Variants in ADCY9 observed in about 807,000 individuals in gnomAD.
The protein encoded by ADCY9 is adenylate cyclase 9.
Under a neutral mutation model 101.5 loss-of-function variants are expected in ADCY9, and 50 were observed. The ratio of observed to expected loss-of-function variants is 0.49; its 90% CI spans 0.39 to 0.62. The LOEUF (loss-of-function observed/expected upper bound fraction) is 0.62. Ranked by LOEUF, ADCY9 falls within the 20% of genes least tolerant of loss-of-function variation. ADCY9 has a pLI of 0.00. For synonymous variants in ADCY9, 905 were observed against 769.3 expected, an observed-to-expected ratio of 1.18 and a Z score of -2.92; for missense variants, 1,662 against 1,800.4, an observed-to-expected ratio of 0.92 and a Z score of 1.39.
chr16:4,104,266 T>C (rs2057062063), intron 2 of ADCY9, among the ~76,000 whole-genome samples: 1 of 152,226 alleles, frequency 6.6e-6, no homozygotes, highest in East Asian at 1.9e-4. Context: ...TATTAGACTT[T>C]ACTGACGTCA....
intron 2 of ADCY9, among the ~76,000 whole-genome samples, chr16:4,059,923 G>A (rs561971041): frequency 6.6e-6 from 1 of 152,264 alleles, no homozygotes; most frequent in East Asian, 1.9e-4. Flanking sequence ...AAATGAAGAA[G>A]AAAAATGACC....
chr16:4,007,341 T>A, intron 3 of ADCY9, 27 bp downstream of exon 3: 1 of 1,499,858 alleles, frequency 6.7e-7, no homozygotes, highest in Non-Finnish European at 8.9e-7. Flanking sequence ...GTTTTAGAAG[T>A]AGGAAAAAAA....
chr16:4,030,731 G>A (rs547501486), intron 2 of ADCY9, among the ~76,000 whole-genome samples: 2 of 151,894 alleles, frequency 1.3e-5, no homozygotes, highest in South Asian at 2.1e-4. Flanking sequence ...ACACACTGCA[G>A]GTTCCATTTG....
At chr16:4,082,697 T>C (rs1156862440) in intron 2 of ADCY9, among the ~76,000 whole-genome samples, 1 of 125,920 alleles carries the variant, frequency 7.9e-6, no homozygotes, top group African/African-American at 3.0e-5. Flanking sequence ...TGCACACATA[T>C]ATGCACACCC....
rs1316019716 is a variant in ADCY9, at chr16:3,966,778, T to G, written c.3059A>C (p.Lys1020Thr). 2 of 1,614,242 alleles carry G rather than the reference T, an allele frequency of 1.2e-6. No individual in the cohort carries two copies. Among genetic ancestry groups the G allele is most frequent in the Non-Finnish European group, 8.5e-7 (1 of 1,180,036 alleles). ...GDVEADLHRT[K>T]IQSMRDQADW... ...TGCCTGGTCCCGCATGCTCTGGATC[T>G]TGGTGCGGTGAAGATCCGCTTCCAC... The change falls in exon 11 of 11, where the codon AAG becomes ACG. Residue 1020 changes from lysine to threonine, a missense_variant. By Grantham distance (78) the Lys-to-Thr change is moderately conservative (BLOSUM62 -1). Around this residue, in one of 5 missense-constraint regions of ADCY9, gnomAD observed 220 missense variants for 312.9 expected, o/e 0.70. Transcript: ENST00000294016.
chr16:4,113,185 AG>A (rs1443968059), intron 2 of ADCY9, among the ~76,000 whole-genome samples: 1 of 151,946 alleles, frequency 6.6e-6, no homozygotes, highest in African/African-American at 2.4e-5. Flanking sequence ...AAAAAAAAAA[AG>A]ACCTAGATAA....
At chr16:4,021,015 C>T (rs2056472870) in intron 2 of ADCY9, among the ~76,000 whole-genome samples, 1 of 152,118 alleles carries the variant, frequency 6.6e-6, no homozygotes, top group Admixed American at 6.5e-5. Context: ...CTTGACCTTG[C>T]TTGACATACA....
intron 2 of ADCY9, among the ~76,000 whole-genome samples, chr16:4,092,241 G>T (rs905529479): frequency 2.6e-5 from 4 of 152,190 alleles, no homozygotes; most frequent in African/African-American, 9.7e-5. Context: ...CTGCACTCCG[G>T]TCTAGGCAAC....
At chr16:4,110,376 CTTTTTTTTTTTTT>C (rs1170090126) in intron 2 of ADCY9, among the ~76,000 whole-genome samples, 1 of 110,742 alleles carries the variant, frequency 9.0e-6, no homozygotes, top group Admixed American at 9.5e-5. Context: ...CTTATACCTA[CTTTTTTTTTTTTT>C]TTTTTTTTTT....
chr16:4,078,189 A>T (rs1275820088), intron 2 of ADCY9, among the ~76,000 whole-genome samples: 1 of 152,222 alleles, frequency 6.6e-6, no homozygotes, highest in African/African-American at 2.4e-5. Context: ...GTGAATGTTC[A>T]CAGCAACTCT....
intron 2 of ADCY9, among the ~76,000 whole-genome samples, chr16:4,048,163 C>T (rs1373946196): frequency 1.3e-5 from 2 of 152,072 alleles, no homozygotes; most frequent in African/African-American, 4.8e-5. Flanking sequence ...AACACAAACA[C>T]CCAATAATTG....
chr16:4,007,425 C>T lies in ADCY9; in HGVS notation c.1827G>A (p.Ala609=), dbSNP rs371267555. The change falls in exon 3 of 11, where the codon GCG becomes GCA. Residue 609 remains alanine, a synonymous_variant. Transcript: ENST00000294016. ...CCAAGTCACTGACATTCCCTGATGACGCTGTCCCCTGTCCCCTAGGGCCTG... is the reference window on the plus strand; with the variant it reads ...CCAAGTCACTGACATTCCCTGATGATGCTGTCCCCTGTCCCCTAGGGCCTG... The part of the protein sequence containing the change: ...VSSGPRGQGT[A]SSGNVSDLAQ... 91 of 1,612,386 alleles carry T rather than the reference C, an allele frequency of 5.6e-5. No individual in the cohort carries two copies. Among genetic ancestry groups the T allele is most frequent in the Non-Finnish European group, 6.5e-5 (77 of 1,179,548 alleles).
intron 3 of ADCY9, among the ~76,000 whole-genome samples, chr16:4,006,289 A>G (rs945507353): frequency 6.6e-5 from 10 of 152,148 alleles, no homozygotes; most frequent in African/African-American, 2.4e-4. Flanking sequence ...CTGGTCCAAA[A>G]TGCCAGCGGT....
At chr16:4,096,458 T>C (rs987554137) in intron 2 of ADCY9, among the ~76,000 whole-genome samples, 1 of 152,156 alleles carries the variant, frequency 6.6e-6, no homozygotes, top group African/African-American at 2.4e-5. Context: ...CAAAAACAAA[T>C]TAAATTTTCA....
chr16:4,113,700 T>C (rs370135078), intron 2 of ADCY9, 50 bp downstream of exon 2: 1 of 1,548,378 alleles, frequency 6.5e-7, no homozygotes, highest in Non-Finnish European at 8.7e-7. Flanking sequence ...TTTAATTTAA[T>C]ACAATCAGGA....
chr16:4,110,565 T>A (rs1362946170), intron 2 of ADCY9, among the ~76,000 whole-genome samples: 1 of 152,000 alleles, frequency 6.6e-6, no homozygotes, highest in African/African-American at 2.4e-5. Flanking sequence ...AATTTTTGTA[T>A]TTTTAGTAGA....
Position 3,979,133 on chromosome 16 carries a change from A to G in ADCY9, c.2662T>C (p.Tyr888His), listed in dbSNP as rs1182795178. 6.2e-7 allele frequency: 1 copy of G among 1,614,222 alleles called. No individual in the cohort carries two copies. The highest frequency in any genetic ancestry group is 1.7e-5 in the Admixed American group (1 of 60,024). The change falls in exon 8 of 11, where the codon TAT (tyrosine) becomes CAT (histidine). Residue 888 changes from tyrosine (Y) to histidine (H), a missense_variant. Tyr to His is a moderately conservative substitution (Grantham distance 83). This residue lies in a region of ADCY9 where 624 missense variants were observed against 639.1 expected (regional missense o/e 0.98). Transcript: ENST00000294016. Reference sequence around the variant, plus strand: ...TTACTTACGTGTATGTTGGTCTCATATTCGGAGGTGACATGGGAGTAGACG... The same window carrying G: ...TTACTTACGTGTATGTTGGTCTCATGTTCGGAGGTGACATGGGAGTAGACG... ...LAVYSHVTSE[Y>H]ETNIHFPVFT...
At chr16:4,018,403 G>A (rs1332992077) in intron 2 of ADCY9, among the ~76,000 whole-genome samples, 1 of 151,996 alleles carries the variant, frequency 6.6e-6, no homozygotes, top group Admixed American at 6.6e-5. Context: ...AGTACAGTTG[G>A]GGTTTCACCA....
intron 3 of ADCY9, among the ~76,000 whole-genome samples, chr16:3,994,304 A>C (rs1258179683): frequency 6.6e-6 from 1 of 152,036 alleles, no homozygotes; most frequent in Non-Finnish European, 1.5e-5. Flanking sequence ...TGAGAAATAC[A>C]TTTCTGTTGT....
Sources: allele counts gnomAD v4.1 joint callset (sites outside exome capture counted in the v4.1 genomes callset), GRCh38; gene constraint gnomAD v4.1.1; regional missense constraint gnomAD v4.1.1; transcripts MANE v1.5; gene names NCBI Gene and HGNC (gene_info 2026-07-23, HGNC 2026-07-21).